The following MAP3K13 variants were observed in gnomAD, a reference collection of about 807,000 sequenced individuals.
MAP3K13 encodes leucine zipper-bearing kinase.
A neutral mutation model predicts 104.0 loss-of-function variants in MAP3K13; 52 were observed. The observed-to-expected ratio is 0.50, with a 90% confidence interval of 0.40 to 0.63. MAP3K13 has a LOEUF of 0.63. Among genes scored for constraint, MAP3K13 ranks in the 20% least tolerant of loss-of-function variants. The pLI, the probability that MAP3K13 is intolerant of heterozygous loss-of-function variation, is 0.00. For synonymous variants in MAP3K13, 394 were observed against 442.2 expected (o/e 0.89, Z 1.37); for missense variants, 914 against 1,218.5 (o/e 0.75, Z 3.72).
chr3:185,348,683 C>T lies in MAP3K13; in HGVS notation c.-86+63040C>T, dbSNP rs187002124. On this transcript the variant is annotated intron_variant, in intron 2 of 14. Transcript: ENST00000424227. Reference sequence around the variant, plus strand: ...CTTGTAATCCCAGCACTTTGGGAGGCCGAGGCGGGTGGATCACGAGATCAA... The same window carrying T: ...CTTGTAATCCCAGCACTTTGGGAGGTCGAGGCGGGTGGATCACGAGATCAA... 5.4e-3 allele frequency among the ~76,000 whole-genome samples: 827 copies of T among 152,236 alleles called. 6 individuals are homozygous for T. Among genetic ancestry groups the T allele is most frequent in the African/African-American group, 0.018 (746 of 41,536 alleles).
chr3:185,304,758 C>T (rs562267612), intron 2 of MAP3K13, among the ~76,000 whole-genome samples: 7 of 152,182 alleles, frequency 4.6e-5, no homozygotes, highest in South Asian at 2.1e-4. Flanking sequence ...CTCAGCCTCC[C>T]GAGCAGCTGG....
rs568186350 is a variant in MAP3K13 at position 185,487,669 on chromosome 3, C to T, written c.*5213C>T. The T allele has an allele frequency of 6.6e-6, 1 of 151,998 alleles. No individual in the cohort carries two copies. The highest frequency in any genetic ancestry group is 2.1e-4 in the South Asian group (1 of 4,824). 9.4% of individuals were successfully genotyped at this position (151,998 alleles called of 1,614,324 possible). A position where few individuals can be genotyped will look rare whatever the true frequency, so the allele number is the denominator to read the frequency against. On this transcript the variant is annotated 3_prime_UTR_variant, in exon 14 of 14. Coordinates refer to ENST00000265026, the MANE Select transcript of MAP3K13 (RefSeq NM_004721.5). ...CATAATATTTATAATCCATAGAATT[C>T]CTGCCCTGCTCTGCAGTAGAGTGTG...
intron 1 of MAP3K13, among the ~76,000 whole-genome samples, chr3:185,390,720 T>C (rs933173357): frequency 2.0e-5 from 3 of 149,974 alleles, no homozygotes; most frequent in African/African-American, 7.4e-5. Context: ...GCCTCCCAGG[T>C]TCAAGTGATT....
In MAP3K13 at chr3:185,322,778, T is replaced by G. The variant is rs560160036; in HGVS notation, c.-86+37135T>G. 5.3e-5 allele frequency among the ~76,000 whole-genome samples: 8 copies of G among 152,366 alleles called. No individual in the cohort carries two copies. In the South Asian group the frequency reaches 1.0e-3, roughly 20 times the overall value. On this transcript the variant is annotated intron_variant, in intron 2 of 14. Coordinates refer to the MAP3K13 transcript ENST00000424227. The stretch of plus-strand genomic sequence containing the variant: ...TTAAATGAATCTCACTCCCTTCATC[T>G]CATTTCTGTCTTTTGTCACTGGTGT...
At chr3:185,329,928 G>T (rs1577430338) in intron 2 of MAP3K13, among the ~76,000 whole-genome samples, 2 of 119,978 alleles carry the variant, frequency 1.7e-5, no homozygotes, top group Middle Eastern at 0.016. Context: ...ACGGAGTCTC[G>T]CTCTGCAGTG....
chr3:185,331,571 A>G (rs1292740904), intron 2 of MAP3K13, among the ~76,000 whole-genome samples: 2 of 152,118 alleles, frequency 1.3e-5, no homozygotes, highest in African/African-American at 4.8e-5. Context: ...GTTCAGGGCC[A>G]TATTGTCAGT....
intron 4 of MAP3K13, among the ~76,000 whole-genome samples, chr3:185,447,187 C>G (rs924041215): frequency 2.6e-5 from 4 of 151,984 alleles, no homozygotes; most frequent in Non-Finnish European, 5.9e-5. Flanking sequence ...CATGAGAAAA[C>G]TGGCTTAGAA....
intron 7 of MAP3K13, among the ~76,000 whole-genome samples, chr3:185,453,124 C>T (rs181630866): frequency 1.0e-3 from 156 of 152,176 alleles, no homozygotes; most frequent in African/African-American, 3.7e-3. Context: ...TTATAAGGCC[C>T]TTATCCCTTC....
intron 1 of MAP3K13, among the ~76,000 whole-genome samples, chr3:185,382,429 A>T (rs541916346): frequency 1.3e-5 from 2 of 152,340 alleles, no homozygotes; most frequent in African/African-American, 4.8e-5. Flanking sequence ...TGATGTAGTG[A>T]TAAGAGACAA....
intron 2 of MAP3K13, among the ~76,000 whole-genome samples, chr3:185,337,057 A>G (rs911363449): frequency 2.0e-5 from 3 of 151,812 alleles, no homozygotes; most frequent in Non-Finnish European, 4.4e-5. Flanking sequence ...TAAAGACTAA[A>G]TCTTTTTTAA....
chr3:185,316,462 G>A (rs1377501734), intron 2 of MAP3K13, among the ~76,000 whole-genome samples: 2 of 152,050 alleles, frequency 1.3e-5, no homozygotes, highest in African/African-American at 2.4e-5. Flanking sequence ...GCAACATGGC[G>A]AAACCCCGTC....
In MAP3K13 at chr3:185,428,900, G is replaced by A. The variant is rs763461574; in HGVS notation, c.319G>A (p.Gly107Arg). The change falls in exon 2 of 14, where the codon GGA becomes AGA. Residue 107 changes from glycine (G) to arginine (R), a missense_variant. Physicochemically the swap from Gly to Arg is moderately radical, Grantham distance 125 (BLOSUM62 -2). Coordinates refer to ENST00000265026, the MANE Select transcript of MAP3K13 (RefSeq NM_004721.5). The part of the protein sequence containing the change: ...VSQGNSNTVD[G>R]ESTSGTEDIK... ...TCAGGGGAACAGCAACACGGTGGAC[G>A]GAGAGAGCACAAGCGGAACTGAAGA... The A allele has an allele frequency of 5.6e-6, 9 of 1,614,178 alleles. No homozygotes were observed. The East Asian group carries it at 6.7e-5, about 12-fold the overall frequency.
chr3:185,411,401 T>C (rs1005672302), intron 1 of MAP3K13, among the ~76,000 whole-genome samples: 2 of 152,244 alleles, frequency 1.3e-5, no homozygotes, highest in African/African-American at 4.8e-5. Context: ...AGTTCTAACA[T>C]GTTTGGGCAC....
At chr3:185,394,703 G>T (rs933073193) in intron 1 of MAP3K13, among the ~76,000 whole-genome samples, 32 of 152,108 alleles carry the variant, frequency 2.1e-4, no homozygotes, top group African/African-American at 7.7e-4. Flanking sequence ...GGTTTTTAAA[G>T]TATTTCTTTA....
At chr3:185,304,892 A>G (rs1721230134) in intron 2 of MAP3K13, among the ~76,000 whole-genome samples, 2 of 151,742 alleles carry the variant, frequency 1.3e-5, no homozygotes, top group Non-Finnish European at 2.9e-5. Context: ...TCGGCCTCCC[A>G]AAGTGCTGGG....
At chr3:185,290,191 T>A (rs1464707098) in intron 2 of MAP3K13, among the ~76,000 whole-genome samples, 1 of 152,116 alleles carries the variant, frequency 6.6e-6, no homozygotes, top group African/African-American at 2.4e-5. Context: ...AAGTTCAATA[T>A]ATATAATGCC....
chr3:185,380,394 C>G (rs1164824085), intron 1 of MAP3K13, among the ~76,000 whole-genome samples: 1 of 151,516 alleles, frequency 6.6e-6, no homozygotes, highest in Non-Finnish European at 1.5e-5. Flanking sequence ...GCCTGCAGTC[C>G]CAGCTACTCA....
intron 6 of MAP3K13, 96 bp from the exon 7 acceptor site, chr3:185,451,191 T>C (rs558044346): frequency 5.7e-4 from 464 of 820,018 alleles, no homozygotes; most frequent in Non-Finnish European, 7.7e-4. Flanking sequence ...GATATAGCCA[T>C]TTTGAAGTAA....
chr3:185,421,769 C>T (rs1362377048), intron 1 of MAP3K13, among the ~76,000 whole-genome samples: 1 of 152,156 alleles, frequency 6.6e-6, no homozygotes, highest in South Asian at 2.1e-4. Context: ...CCTGTGTTCC[C>T]GCAGTTTCCA....
Sources: allele counts gnomAD v4.1 joint callset (sites outside exome capture counted in the v4.1 genomes callset), GRCh38; gene constraint gnomAD v4.1.1; transcripts MANE v1.5; gene names NCBI Gene and HGNC (gene_info 2026-07-23, HGNC 2026-07-21).